ACCS: variants seen among roughly 807,000 people sequenced by gnomAD.
ACCS encodes the protein 1-aminocyclopropane-1-carboxylate synthase-like protein 1.
Under a neutral mutation model 59.8 loss-of-function variants are expected in ACCS, and 42 were observed. The observed-to-expected ratio is 0.70, with a 90% CI of 0.55 to 0.91. ACCS has a LOEUF of 0.91. Ranked by LOEUF, ACCS falls within the 40% of genes least tolerant of loss-of-function variation. The pLI is 0.00. For synonymous variants in ACCS, 230 were observed against 240.3 expected, an observed-to-expected ratio of 0.96 and a Z score of 0.40; for missense variants, 602 against 630.4, an observed-to-expected ratio of 0.95 and a Z score of 0.48.
rs765569673 is a variant in ACCS, at chr11:44,078,790, G to T, written c.833+6G>T. 3 of 1,613,436 alleles carry T rather than the reference G, an allele frequency of 1.9e-6. No individual in the cohort carries two copies. The highest frequency in any genetic ancestry group is 2.5e-6 in the Non-Finnish European group (3 of 1,179,564). ...TACCTGGTATTTGCCAAGAGGTGAG[G>T]CACCCCACACTGGCCCCGACAGAGC... On this transcript the variant is annotated splice_donor_region_variant and intron_variant, in intron 9 of 14. Transcript: ENST00000263776.
chr11:44,071,328 G>A lies in ACCS; in HGVS notation c.348+13G>A. The A allele has an allele frequency of 1.2e-6, 2 of 1,613,646 alleles. No homozygotes were observed. Among genetic ancestry groups the A allele is most frequent in the Admixed American group, 1.7e-5 (1 of 60,014 alleles). On this transcript the variant is annotated intron_variant, in intron 3 of 14. Transcript: ENST00000263776. ...GCTGTCCTGGCGGGTAAGTCCTAGGGCCCCTCTAGGGGGCATCACCAGCTC... is the reference window on the plus strand; with the variant it reads ...GCTGTCCTGGCGGGTAAGTCCTAGGACCCCTCTAGGGGGCATCACCAGCTC...
In ACCS at chr11:44,083,919, A is replaced by G. The variant is rs1953755097; in HGVS notation, c.*127A>G. On this transcript the variant is annotated 3_prime_UTR_variant, in exon 15 of 15. Coordinates refer to ENST00000263776, the MANE Select transcript of ACCS (RefSeq NM_032592.4). ...GGTATCTAACTTGGCTTTGTGCCTG[A>G]AGAACTGTTTCTTGTCTTTCGCTGT... 2 of 1,488,074 alleles carry G rather than the reference A, an allele frequency of 1.3e-6. No individual in the cohort carries two copies. Among genetic ancestry groups the G allele is most frequent in the East Asian group, 5.0e-5 (2 of 40,390 alleles). The allele number at this position is 1,488,074 out of a possible 1,614,324, so 92.2% of individuals were successfully genotyped here.
rs1486692629 is a variant in ACCS, at chr11:44,081,167, T to G, written c.970-12T>G. ...GAGGGCTGGCCACCGCCTAGGGTGC[T>G]TCTTCCTGCAGGACTTCGGGATGTC... On this transcript the variant is annotated splice_polypyrimidine_tract_variant and intron_variant, in intron 11 of 14. Transcript: ENST00000263776. 1.2e-6 allele frequency: 2 copies of G among 1,614,112 alleles called. No homozygotes were observed. Among genetic ancestry groups the G allele is most frequent in the African/African-American group, 2.7e-5 (2 of 74,942 alleles).
Position 44,077,276 on chromosome 11 carries a change from C to A in ACCS, c.557-3C>A, listed in dbSNP as rs1485826425. The A allele has an allele frequency of 1.2e-6, 2 of 1,613,728 alleles. No individual in the cohort carries two copies. The highest frequency in any genetic ancestry group is 1.3e-5 in the African/African-American group (1 of 75,054). On this transcript the variant is annotated splice_region_variant and splice_polypyrimidine_tract_variant and intron_variant, in intron 6 of 14. Coordinates refer to ENST00000263776, the MANE Select transcript of ACCS (RefSeq NM_032592.4). ...ACAGGCCCTCGCCCACTCCTGCCCCCAGAGGCTTTCCTGATCCCCACCCCT... is the reference window on the plus strand; with the variant it reads ...ACAGGCCCTCGCCCACTCCTGCCCCAAGAGGCTTTCCTGATCCCCACCCCT...
At position 44,083,513 on chromosome 11, in the gene ACCS, C is replaced by G. The variant is rs201536346; in HGVS notation, c.1344C>G (p.Phe448Leu). ...NKVLLSFGKA[F>L]ECKEPGWFRF... ...TGCTGCTGTCCTTTGGCAAGGCCTT[C>G]GAGTGTAAAGAGCCTGGTTGGTTTC... Residue 448 changes from phenylalanine (F) to leucine (L), a missense_variant, in exon 14 of 15, where the codon TTC becomes TTG. Transcript: ENST00000263776. 5 of 1,614,226 alleles carry G rather than the reference C, an allele frequency of 3.1e-6. No homozygotes were observed. Among genetic ancestry groups the G allele is most frequent in the East Asian group, 2.2e-5 (1 of 44,878 alleles).
intron 8 of ACCS, chr11:44,078,404 T>C: frequency 2.5e-6 from 1 of 407,016 alleles, no homozygotes; most frequent in Non-Finnish European, 4.4e-6. Context: ...CTATACATAC[T>C]CACTGTAGGA....
At chr11:44,068,586 C>T (rs566771123) in intron 2 of ACCS, among the ~76,000 whole-genome samples, 4 of 152,238 alleles carry the variant, frequency 2.6e-5, no homozygotes, top group South Asian at 2.1e-4. Flanking sequence ...GCCTGGGCAA[C>T]GGTGTGAGAC....
At chr11:44,074,812 CT>C (rs11300983) in intron 5 of ACCS, 131 bp downstream of exon 5, 51,035 of 225,996 alleles carry the variant, frequency 0.23, 2,498 homozygotes, top group Admixed American at 0.36. Flanking sequence ...CCTTCCTTCT[CT>C]TTTTTTTTTT....
chr11:44,068,474 G>A (rs1345534204), intron 2 of ACCS, among the ~76,000 whole-genome samples: 1 of 152,026 alleles, frequency 6.6e-6, no homozygotes, highest in Non-Finnish European at 1.5e-5. Context: ...GTGTGGTGGC[G>A]TGCACTTGTG....
chr11:44,076,385 A>G (rs867974647), intron 6 of ACCS, among the ~76,000 whole-genome samples: 6 of 152,250 alleles, frequency 3.9e-5, no homozygotes, highest in African/African-American at 7.2e-5. Flanking sequence ...CAATACTTCA[A>G]TAAGGTCGGT....
At chr11:44,067,105 G>A (rs1952825779) in intron 1 of ACCS, 1 of 156,414 alleles carries the variant, frequency 6.4e-6, no homozygotes, top group East Asian at 1.9e-4. Context: ...GAAGAGGCAG[G>A]CCCTGGAGCT....
chr11:44,083,783 A>G lies in ACCS; in HGVS notation c.1497A>G (p.Gln499=). ...CTCAGAGCCAGGAGCCAAGTGACCA[A>G]CGCAGGTGAGCTGGTCATTGTCTCG... ...RPSQSQEPSD[Q]RR The change falls in exon 15 of 15, where the codon CAA becomes CAG. Residue 499 remains glutamine (Q), a synonymous_variant. Transcript: ENST00000263776. 1.2e-6 allele frequency: 2 copies of G among 1,611,028 alleles called. No individual in the cohort carries two copies. Among genetic ancestry groups the G allele is most frequent in the Non-Finnish European group, 8.5e-7 (1 of 1,178,610 alleles).
rs1171646260 is a variant in ACCS at position 44,071,639 on chromosome 11, AG to A, written c.348+325del. On this transcript the variant is annotated intron_variant, in intron 3 of 14. Coordinates refer to ENST00000263776, the MANE Select transcript of ACCS (RefSeq NM_032592.4). ...ATTAGCTCTTCAGGGGGACAAAAAA[AG>A]CCTGATGTGTAGTTTTGCCAATTTC... The A allele has an allele frequency of 4.4e-5, 11 of 247,634 alleles. 1 individual carries two copies. Among genetic ancestry groups the A allele is most frequent in the Middle Eastern group, 2.7e-3 (2 of 754 alleles). 15.3% of individuals were successfully genotyped at this position (247,634 alleles called of 1,614,324 possible).
At chr11:44,075,060 G>T (rs953733709) in intron 5 of ACCS, among the ~76,000 whole-genome samples, 1 of 151,912 alleles carries the variant, frequency 6.6e-6, no homozygotes, top group Admixed American at 6.6e-5. Flanking sequence ...CCGACCTCAG[G>T]TGATCTGCCC....
Position 44,075,892 on chromosome 11 carries a change from TG to T in ACCS, c.556+302del, listed in dbSNP as rs1464623312. ...GTCTTAGAGCAGGAAGAAAGGGATG[TG>T]GTCGTGCCGTGCCTGTCTCTTTTTT... On this transcript the variant is annotated intron_variant, in intron 6 of 14. Transcript: ENST00000263776. 9.4e-6 allele frequency: 3 copies of T among 318,820 alleles called. No individual in the cohort carries two copies. The East Asian group carries it at 1.5e-4, about 16-fold the overall frequency. The allele number at this position is 318,820 out of a possible 1,614,324, so 19.7% of individuals were successfully genotyped here.
chr11:44,079,486 G>C (rs780208408), intron 9 of ACCS, 45 bp from the exon 10 acceptor site: 2 of 1,531,560 alleles, frequency 1.3e-6, no homozygotes, highest in East Asian at 4.5e-5. Context: ...GGACGCATCT[G>C]CCCTACACAC....
chr11:44,081,352 G>A (rs374434491), intron 12 of ACCS, 32 bp downstream of exon 12: 190 of 1,609,192 alleles, frequency 1.2e-4, no homozygotes, highest in Middle Eastern at 6.8e-4. Context: ...CCTGAAAATG[G>A]GAGGAGGGTT....
At chr11:44,069,288 C>T (rs1952936582) in intron 2 of ACCS, among the ~76,000 whole-genome samples, 2 of 151,830 alleles carry the variant, frequency 1.3e-5, no homozygotes, top group South Asian at 4.2e-4. Context: ...GGCATGATCT[C>T]GGATCACTGC....
At chr11:44,078,094 C>A in intron 8 of ACCS, 172 bp downstream of exon 8, 1 of 808,298 alleles carries the variant, frequency 1.2e-6, no homozygotes, top group Non-Finnish European at 1.9e-6. Context: ...GAACCCTGCC[C>A]AGGGAGGGTC....
Sources: allele counts gnomAD v4.1 joint callset (sites outside exome capture counted in the v4.1 genomes callset), GRCh38; gene constraint gnomAD v4.1.1; transcripts MANE v1.5; gene names NCBI Gene and HGNC (gene_info 2026-07-23, HGNC 2026-07-21).